Variants in MRPL48 observed in about 807,000 individuals in gnomAD.
MRPL48 encodes large ribosomal subunit protein mL48.
MRPL48 carries 16 observed loss-of-function variants against 32.9 expected under a neutral mutation model. That is an observed-to-expected ratio of 0.49 (90% CI 0.33 to 0.74). The LOEUF (loss-of-function observed/expected upper bound fraction) is 0.74. MRPL48 is among the 30% of genes least tolerant of loss of function. MRPL48 has a pLI of 0.02. For missense variants in MRPL48, 206 were observed against 245.3 expected, an observed-to-expected ratio of 0.84 and a Z score of 1.07; for synonymous variants, 94 against 89.2, an observed-to-expected ratio of 1.05 and a Z score of -0.31.
At chr11:73,798,579 G>T (rs1434866944) in intron 1 of MRPL48, among the ~76,000 whole-genome samples, 1 of 152,124 alleles carries the variant, frequency 6.6e-6, no homozygotes, top group Non-Finnish European at 1.5e-5. Context: ...TTTCTATGTG[G>T]GAGAACATTC....
intron 3 of MRPL48, among the ~76,000 whole-genome samples, chr11:73,813,288 C>T (rs891465977): frequency 1.3e-5 from 2 of 152,014 alleles, no homozygotes; most frequent in Non-Finnish European, 2.9e-5. Context: ...TCTCCTGCCT[C>T]GGCCTCCTGA....
intron 5 of MRPL48, among the ~76,000 whole-genome samples, chr11:73,853,680 C>CT (rs58486952): frequency 0.01 from 804 of 79,102 alleles, 120 homozygotes; most frequent in Non-Finnish European, 0.015. Flanking sequence ...GAGATAGCTT[C>CT]TTTTTTTTTT....
At chr11:73,820,372 G>A (rs900896996) in intron 3 of MRPL48, among the ~76,000 whole-genome samples, 11 of 152,072 alleles carry the variant, frequency 7.2e-5, no homozygotes. Context: ...CTACAGGCAT[G>A]TACCATCACA....
chr11:73,839,310 G>A (rs898062452), intron 4 of MRPL48, among the ~76,000 whole-genome samples: 5 of 152,138 alleles, frequency 3.3e-5, no homozygotes, highest in Non-Finnish European at 7.4e-5. Flanking sequence ...CCCCTAGACT[G>A]TTGGCTATTA....
At position 73,864,741 on chromosome 11, in the gene MRPL48, G is replaced by A. The variant is rs560086604; in HGVS notation, c.*371G>A. On this transcript the variant is annotated 3_prime_UTR_variant, in exon 8 of 8. Coordinates refer to ENST00000310614, the MANE Select transcript of MRPL48 (RefSeq NM_016055.6). ...CGAGGCCGAGGCAGGAGGACTGCTC[G>A]AGGCCAGGAGCTTGAGACCAGCCTG... 1.9e-4 allele frequency: 43 copies of A among 227,016 alleles called. No homozygotes were observed. Among genetic ancestry groups the A allele is most frequent in the Admixed American group, 3.5e-4 (7 of 19,942 alleles). 14.1% of individuals were successfully genotyped at this position (227,016 alleles called of 1,614,324 possible).
intron 4 of MRPL48, among the ~76,000 whole-genome samples, chr11:73,827,827 G>A (rs1947925886): frequency 6.6e-6 from 1 of 152,110 alleles, no homozygotes; most frequent in Non-Finnish European, 1.5e-5. Context: ...GCCTGTATTA[G>A]CCAGGCTCCC....
intron 2 of MRPL48, among the ~76,000 whole-genome samples, chr11:73,805,624 G>C (rs912479019): frequency 1.4e-5 from 2 of 143,454 alleles, no homozygotes; most frequent in Non-Finnish European, 3.1e-5. Flanking sequence ...AACAAAACTT[G>C]TTGGCTTTAC....
chr11:73,799,443 G>C (rs1453273497), intron 1 of MRPL48, among the ~76,000 whole-genome samples: 1 of 152,182 alleles, frequency 6.6e-6, no homozygotes, highest in Non-Finnish European at 1.5e-5. Flanking sequence ...CTTTGCAACA[G>C]GAGTATAGGA....
In MRPL48 at chr11:73,849,902, A is replaced by G. The variant is rs193188140; in HGVS notation, c.371+4926A>G. Among the ~76,000 whole-genome samples, 153 of 152,322 alleles carry G rather than the reference A, an allele frequency of 1.0e-3. 3 individuals carry two copies. In the Middle Eastern group the frequency reaches 0.017, roughly 17 times the overall value. The stretch of plus-strand genomic sequence containing the variant: ...TGCTTGAACTCAGGAGTTTGAGACC[A>G]GCCTGGGCAACGTGGTGAAATCCTG... On this transcript the variant is annotated intron_variant, in intron 5 of 7. Transcript: ENST00000310614.
At chr11:73,848,146 T>C (rs893555043) in intron 5 of MRPL48, among the ~76,000 whole-genome samples, 2 of 152,208 alleles carry the variant, frequency 1.3e-5, no homozygotes, top group Non-Finnish European at 2.9e-5. Flanking sequence ...TGATCCATTT[T>C]GAATTAGTTT....
intron 7 of MRPL48, among the ~76,000 whole-genome samples, chr11:73,864,020 T>G (rs1015287794): frequency 6.6e-6 from 1 of 152,202 alleles, no homozygotes; most frequent in African/African-American, 2.4e-5. Context: ...CTCAAATGCT[T>G]CTATTGTGAT....
chr11:73,808,226 T>C, intron 2 of MRPL48, 87 bp from the exon 3 acceptor site: 1 of 1,306,124 alleles, frequency 7.7e-7, no homozygotes, highest in Non-Finnish European at 1.1e-6. Flanking sequence ...TTGATGCATC[T>C]TTAGTGATAG....
chr11:73,796,728 C>A (rs1201143689), intron 1 of MRPL48, among the ~76,000 whole-genome samples: 2 of 152,178 alleles, frequency 1.3e-5, no homozygotes, highest in African/African-American at 4.8e-5. Flanking sequence ...CCCATGGCCA[C>A]CCATGGACAA....
At chr11:73,798,113 G>T (rs374377518) in intron 1 of MRPL48, among the ~76,000 whole-genome samples, 2 of 151,792 alleles carry the variant, frequency 1.3e-5, no homozygotes, top group Non-Finnish European at 2.9e-5. Context: ...ACAGAGTCTC[G>T]CTCTGTCGCC....
intron 1 of MRPL48, among the ~76,000 whole-genome samples, chr11:73,800,739 A>G (rs1947345616): frequency 6.6e-6 from 1 of 151,998 alleles, no homozygotes; most frequent in Admixed American, 6.6e-5. Context: ...CACATTTCCC[A>G]GAGCTGACCG....
intron 3 of MRPL48, among the ~76,000 whole-genome samples, chr11:73,825,252 A>T (rs1400135847): frequency 6.6e-6 from 1 of 150,802 alleles, no homozygotes; most frequent in African/African-American, 2.4e-5. Context: ...GATTACTTTT[A>T]AAAATCCTTA....
At chr11:73,821,116 T>C (rs1947772730) in intron 3 of MRPL48, among the ~76,000 whole-genome samples, 1 of 152,132 alleles carries the variant, frequency 6.6e-6, no homozygotes, top group Non-Finnish European at 1.5e-5. Flanking sequence ...CACAGCCTCC[T>C]GAGTAGCTAG....
chr11:73,835,150 T>C (rs1282494878), intron 4 of MRPL48, among the ~76,000 whole-genome samples: 3 of 146,710 alleles, frequency 2.0e-5, no homozygotes, highest in Middle Eastern at 3.5e-3. Context: ...CTTTTTTTTT[T>C]TTTTTTTTTT....
chr11:73,849,198 G>T (rs1194456630), intron 5 of MRPL48, among the ~76,000 whole-genome samples: 2 of 152,082 alleles, frequency 1.3e-5, no homozygotes, highest in African/African-American at 4.8e-5. Context: ...GTGCAGTGGC[G>T]CAATCTCGGC....
Sources: allele counts gnomAD v4.1 joint callset (sites outside exome capture counted in the v4.1 genomes callset), GRCh38; gene constraint gnomAD v4.1.1; transcripts MANE v1.5; gene names NCBI Gene and HGNC (gene_info 2026-07-23, HGNC 2026-07-21).